PCLO: variants seen among roughly 807,000 people sequenced by gnomAD.
The protein encoded by PCLO is piccolo presynaptic cytomatrix protein.
In PCLO, 82 loss-of-function variants were observed where a neutral mutation model predicts 427.5. That is an observed-to-expected ratio of 0.19 (90% CI 0.16 to 0.23). The LOEUF (loss-of-function observed/expected upper bound fraction) is 0.23, where lower values mean the gene tolerates loss of function less well. Among genes scored for constraint, PCLO ranks in the 10% least tolerant of loss-of-function variants. The pLI, the probability that PCLO is intolerant of heterozygous loss-of-function variation, is 1.00. For missense variants in PCLO, 6,239 were observed against 6,115.9 expected (o/e 1.02, Z -0.67); for synonymous variants, 2,357 against 2,155.4 (o/e 1.09, Z -2.59).
intron 3 of PCLO, among the ~76,000 whole-genome samples, chr7:83,082,757 C>T (rs2116403856): frequency 6.6e-6 from 1 of 151,270 alleles, no homozygotes; most frequent in Non-Finnish European, 1.5e-5. Flanking sequence ...CATGTACCAC[C>T]CCATAAATAT....
At chr7:82,938,327 G>A (rs1289519486) in intron 6 of PCLO, among the ~76,000 whole-genome samples, 1 of 151,898 alleles carries the variant, frequency 6.6e-6, no homozygotes, top group Non-Finnish European at 1.5e-5. Context: ...ATGTTTGTTA[G>A]AAAGGCACAT....
intron 4 of PCLO, among the ~76,000 whole-genome samples, chr7:82,959,097 C>T (rs554139685): frequency 6.6e-6 from 1 of 152,170 alleles, no homozygotes; most frequent in East Asian, 1.9e-4. Context: ...GATGGAGTCA[C>T]GCTCTGTCAC....
intron 3 of PCLO, among the ~76,000 whole-genome samples, chr7:83,061,348 C>T (rs1328289938): frequency 6.6e-6 from 1 of 152,162 alleles, no homozygotes; most frequent in East Asian, 1.9e-4. Flanking sequence ...CAGTTTCTTG[C>T]TCACTGCTCC....
At chr7:82,769,525 T>C (rs1400242290) in intron 22 of PCLO, among the ~76,000 whole-genome samples, 1 of 152,176 alleles carries the variant, frequency 6.6e-6, no homozygotes, top group African/African-American at 2.4e-5. Flanking sequence ...TTCTAACAAT[T>C]CTATTGCAAC....
chr7:83,027,375 C>G (rs1248336961), intron 3 of PCLO, among the ~76,000 whole-genome samples: 3 of 152,052 alleles, frequency 2.0e-5, no homozygotes, highest in African/African-American at 7.2e-5. Flanking sequence ...ATAAATTCCT[C>G]GACACGTACA....
intron 22 of PCLO, among the ~76,000 whole-genome samples, chr7:82,771,535 A>G (rs1342020319): frequency 6.6e-6 from 1 of 152,072 alleles, no homozygotes; most frequent in South Asian, 2.1e-4. Flanking sequence ...TCACTTGAAA[A>G]ATAACATGTA....
chr7:83,067,420 C>T (rs1789695950), intron 3 of PCLO, among the ~76,000 whole-genome samples: 1 of 152,140 alleles, frequency 6.6e-6, no homozygotes, highest in Admixed American at 6.5e-5. Context: ...GCTTGAGAGA[C>T]TCCTCAAAAT....
chr7:83,162,211 G>T, intron 1 of PCLO, 134 bp downstream of exon 1: 1 of 1,041,188 alleles, frequency 9.6e-7, no homozygotes, highest in Non-Finnish European at 1.4e-6. Flanking sequence ...TCTCTCTATG[G>T]CCACCCCACT....
At chr7:82,933,438 A>T (rs947871686) in intron 6 of PCLO, among the ~76,000 whole-genome samples, 3 of 151,948 alleles carry the variant, frequency 2.0e-5, no homozygotes, top group Admixed American at 6.6e-5. Flanking sequence ...TTGAGAAAAC[A>T]GTTTGCTGTG....
intron 22 of PCLO, among the ~76,000 whole-genome samples, chr7:82,764,958 T>C (rs1240924062): frequency 6.6e-6 from 1 of 151,914 alleles, no homozygotes; most frequent in Non-Finnish European, 1.5e-5. Context: ...TATACCCTGA[T>C]AATAATGAAT....
At chr7:82,880,984 T>C (rs1430057188) in intron 9 of PCLO, among the ~76,000 whole-genome samples, 1 of 152,180 alleles carries the variant, frequency 6.6e-6, no homozygotes, top group Non-Finnish European at 1.5e-5. Context: ...TATTTGAATA[T>C]CTTTAAAAAT....
intron 3 of PCLO, among the ~76,000 whole-genome samples, chr7:82,970,100 A>G (rs1204242239): frequency 1.3e-5 from 2 of 152,032 alleles, no homozygotes. Context: ...GCACAGCAAA[A>G]ATCATATAAC....
chr7:82,993,612 T>C (rs1337057721), intron 3 of PCLO, among the ~76,000 whole-genome samples: 1 of 143,070 alleles, frequency 7.0e-6, no homozygotes, highest in Non-Finnish European at 1.5e-5. Context: ...GGCATGTATA[T>C]TTTTTTTAGT....
In PCLO at chr7:82,954,424, G is replaced by A; in HGVS notation, c.6529C>T (p.Pro2177Ser). 1 of 1,613,826 alleles carries A rather than the reference G, an allele frequency of 6.2e-7. No individual in the cohort carries two copies. Among genetic ancestry groups the A allele is most frequent in the Non-Finnish European group, 8.5e-7 (1 of 1,179,796 alleles). ...GTGAGAGAAGGTGTGTCAGAGGGTG[G>A]GACAGATGTAGCACTTTCTGAAGGC... ...SEPSESATSV[P>S]PSDTPSLTSS... Residue 2177 changes from proline (P) to serine (S), a missense_variant, in exon 5 of 25, where the codon CCA becomes TCA. Pro to Ser is a moderately conservative substitution (Grantham distance 74). This residue lies in a region of PCLO where 4,677 missense variants were observed against 4,468.4 expected (regional missense o/e 1.05). Transcript: ENST00000333891.
intron 20 of PCLO, chr7:82,820,561 T>C (rs1191978627): frequency 8.2e-7 from 1 of 1,226,290 alleles, no homozygotes; most frequent in African/African-American, 1.6e-5. Context: ...ACTTAACAAC[T>C]ATGGAAACAC....
intron 3 of PCLO, among the ~76,000 whole-genome samples, chr7:83,042,843 G>A (rs1373557911): frequency 6.6e-6 from 1 of 152,152 alleles, no homozygotes; most frequent in Non-Finnish European, 1.5e-5. Flanking sequence ...GGCTGGGCAA[G>A]AGTGAGACTC....
intron 3 of PCLO, among the ~76,000 whole-genome samples, chr7:83,130,118 G>A (rs1275581893): frequency 6.7e-6 from 1 of 148,834 alleles, no homozygotes; most frequent in Non-Finnish European, 1.5e-5. Context: ...TAATGTAGAT[G>A]TCCATTATGT....
At chr7:83,113,746 T>G (rs950748910) in intron 3 of PCLO, among the ~76,000 whole-genome samples, 4 of 151,896 alleles carry the variant, frequency 2.6e-5, no homozygotes, top group African/African-American at 9.7e-5. Context: ...ACACAATAAA[T>G]TACTGAATGA....
chr7:82,840,555 A>T lies in PCLO; in HGVS notation c.14097+904T>A, dbSNP rs142127998. Among the ~76,000 whole-genome samples the T allele has an allele frequency of 4.3e-4, 66 of 152,098 alleles. No individual in the cohort carries two copies. In the East Asian group the frequency reaches 7.9e-3, roughly 18 times the overall value. On this transcript the variant is annotated intron_variant, in intron 14 of 24. Coordinates refer to ENST00000333891, the MANE Select transcript of PCLO (RefSeq NM_033026.6). ...CAAGTTTCTTTTTAATTTAGTCTTA[A>T]CCTACTTCTCGAAGCTGATTCTTCA... is the stretch of plus-strand genomic sequence containing the variant.
Sources: allele counts gnomAD v4.1 joint callset (sites outside exome capture counted in the v4.1 genomes callset), GRCh38; gene constraint gnomAD v4.1.1; regional missense constraint gnomAD v4.1.1; transcripts MANE v1.5; gene names NCBI Gene and HGNC (gene_info 2026-07-23, HGNC 2026-07-21).